OR9Q1: variants seen among roughly 807,000 people sequenced by gnomAD.
OR9Q1 encodes the protein olfactory receptor family 9 subfamily Q member 1.
For synonymous variants in OR9Q1, 153 were observed against 148.6 expected, an observed-to-expected ratio of 1.03 and a Z score of -0.22; for missense variants, 374 against 378.8, an observed-to-expected ratio of 0.99 and a Z score of 0.11.
chr11:58,177,211 C>T (rs1490498631), intron 2 of OR9Q1, among the ~76,000 whole-genome samples: 1 of 152,222 alleles, frequency 6.6e-6, no homozygotes, highest in African/African-American at 2.4e-5. Flanking sequence ...TATTAATAGA[C>T]TGCAGAGCTG....
At chr11:58,131,083 G>C (rs1011053879) in intron 2 of OR9Q1, among the ~76,000 whole-genome samples, 1 of 152,184 alleles carries the variant, frequency 6.6e-6, no homozygotes, top group African/African-American at 2.4e-5. Context: ...ACATCTCCCT[G>C]TGCACACATG....
intron 2 of OR9Q1, among the ~76,000 whole-genome samples, chr11:58,174,935 G>A (rs1367138640): frequency 4.0e-5 from 6 of 150,766 alleles, no homozygotes; most frequent in Admixed American, 3.3e-4. Context: ...GTGAAATCAC[G>A]ACTCTACTAG....
At chr11:58,048,675 A>ATATAT (rs1554965234) in intron 1 of OR9Q1, among the ~76,000 whole-genome samples, 6 of 43,116 alleles carry the variant, frequency 1.4e-4, no homozygotes, top group Non-Finnish European at 3.4e-4. Flanking sequence ...ATCTTAAAAA[A>ATATAT]AAAAATATAT....
chr11:58,114,130 C>T (rs924193077), intron 2 of OR9Q1, among the ~76,000 whole-genome samples: 7 of 152,146 alleles, frequency 4.6e-5, no homozygotes, highest in East Asian at 1.9e-4. Flanking sequence ...GCCAACAGTA[C>T]GCCTAGTTTT....
chr11:58,110,767 GTAAAATCAGTTTTC>G (rs746832470), intron 2 of OR9Q1, among the ~76,000 whole-genome samples: 2 of 152,112 alleles, frequency 1.3e-5, no homozygotes, highest in Non-Finnish European at 1.5e-5. Flanking sequence ...ATAGTGTTTG[GTAAAATCAGTTTTC>G]TATAGAAATC....
intron 2 of OR9Q1, among the ~76,000 whole-genome samples, chr11:58,163,859 C>T (rs895546463): frequency 2.0e-5 from 3 of 152,176 alleles, no homozygotes; most frequent in African/African-American, 7.2e-5. Context: ...AATGATTCCT[C>T]ATGGGACAAG....
chr11:58,119,541 G>T, intron 2 of OR9Q1: 1 of 848,276 alleles, frequency 1.2e-6, no homozygotes, highest in Non-Finnish European at 1.8e-6. Flanking sequence ...GGAAGTTTTG[G>T]TTTTAATTCT....
At chr11:58,069,350 C>T (rs1270921820) in intron 2 of OR9Q1, among the ~76,000 whole-genome samples, 1 of 152,148 alleles carries the variant, frequency 6.6e-6, no homozygotes, top group African/African-American at 2.4e-5. Flanking sequence ...TTCCTCTCTG[C>T]CTGTGACACC....
chr11:58,146,938 T>C (rs541374683), intron 2 of OR9Q1, among the ~76,000 whole-genome samples: 11 of 152,312 alleles, frequency 7.2e-5, no homozygotes, highest in African/African-American at 2.4e-4. Context: ...TTGTGGACTT[T>C]ATTTCAAAAG....
chr11:58,098,360 T>G (rs1325812098), intron 2 of OR9Q1, among the ~76,000 whole-genome samples: 1 of 152,204 alleles, frequency 6.6e-6, no homozygotes, highest in African/African-American at 2.4e-5. Context: ...TTTGTTTCTT[T>G]TGACTTGTCA....
At chr11:58,070,792 G>A (rs534783087) in intron 2 of OR9Q1, among the ~76,000 whole-genome samples, 9 of 152,280 alleles carry the variant, frequency 5.9e-5, no homozygotes, top group South Asian at 2.1e-4. Context: ...TAAGAGACAG[G>A]ATGTGCCTGC....
chr11:58,025,315 C>T (rs1274713778), intron 1 of OR9Q1, among the ~76,000 whole-genome samples: 2 of 152,050 alleles, frequency 1.3e-5, no homozygotes, highest in Non-Finnish European at 2.9e-5. Context: ...CTGGGGTGCC[C>T]GCCGTGCTAC....
intron 2 of OR9Q1, chr11:58,075,447 C>G (rs1318313644): frequency 1.3e-5 from 2 of 152,248 alleles, no homozygotes; most frequent in African/African-American, 2.4e-5. Context: ...GCTGTGCCCC[C>G]CAAATCCATA....
chr11:58,115,432 T>C (rs1010350813), intron 2 of OR9Q1, among the ~76,000 whole-genome samples: 1 of 152,194 alleles, frequency 6.6e-6, no homozygotes, highest in African/African-American at 2.4e-5. Flanking sequence ...TATTAATAAT[T>C]AGCTGGATTT....
intron 1 of OR9Q1, among the ~76,000 whole-genome samples, chr11:58,048,735 T>A (rs1444383636): frequency 7.2e-6 from 1 of 138,544 alleles, no homozygotes. Context: ...AAGAATCAAA[T>A]AGACACAATA....
intron 2 of OR9Q1, among the ~76,000 whole-genome samples, chr11:58,082,356 A>T (rs7122673): frequency 6.6e-6 from 1 of 151,952 alleles, no homozygotes; most frequent in Non-Finnish European, 1.5e-5. Flanking sequence ...CAAATGTCCA[A>T]CAATGATAGA....
At chr11:58,067,712 A>G (rs182320317) in intron 2 of OR9Q1, among the ~76,000 whole-genome samples, 1 of 152,272 alleles carries the variant, frequency 6.6e-6, no homozygotes, top group East Asian at 1.9e-4. Flanking sequence ...ATACAGCAGG[A>G]ATGCTCTTTC....
At chr11:58,143,863 T>C (rs1374692431) in intron 2 of OR9Q1, among the ~76,000 whole-genome samples, 1 of 151,940 alleles carries the variant, frequency 6.6e-6, no homozygotes, top group Non-Finnish European at 1.5e-5. Flanking sequence ...ACTTAACAAA[T>C]AAAATAAAAT....
At chr11:58,148,012 T>C (rs1854315242) in intron 2 of OR9Q1, among the ~76,000 whole-genome samples, 1 of 152,168 alleles carries the variant, frequency 6.6e-6, no homozygotes, top group Non-Finnish European at 1.5e-5. Context: ...TTAGCTATAA[T>C]ATTTTGGCCT....
Sources: allele counts gnomAD v4.1 joint callset (sites outside exome capture counted in the v4.1 genomes callset), GRCh38; gene constraint gnomAD v4.1.1; transcripts MANE v1.5; gene names NCBI Gene and HGNC (gene_info 2026-07-23, HGNC 2026-07-21).